The following PKHD1 variants were observed in gnomAD, a reference collection of about 807,000 sequenced individuals.
PKHD1 encodes the protein PKHD1 ciliary IPT domain containing fibrocystin/polyductin.
In PKHD1, 291 loss-of-function variants were observed where a neutral mutation model predicts 412.0. The ratio of observed to expected loss-of-function variants is 0.71; its 90% CI spans 0.64 to 0.78. The LOEUF (loss-of-function observed/expected upper bound fraction) is 0.78. Among genes scored for constraint, PKHD1 ranks in the 30% least tolerant of loss-of-function variants. The pLI, the probability that PKHD1 is intolerant of heterozygous loss-of-function variation, is 0.00. For missense variants in PKHD1, 4,825 were observed against 4,950.7 expected, an observed-to-expected ratio of 0.97 and a Z score of 0.76; for synonymous variants, 1,777 against 1,821.5, an observed-to-expected ratio of 0.98 and a Z score of 0.62.
rs1177405350 is a variant in PKHD1, at chr6:51,804,364, G to A, written c.8303-12991C>T. ...GTAGAGAAATACTAATTCATTGGGG[G>A]GGGGGGGGGCGGTAACAGGAGAAAT... On this transcript the variant is annotated intron_variant, in intron 52 of 66. Coordinates refer to ENST00000371117, the MANE Select transcript of PKHD1 (RefSeq NM_138694.4). 3.9e-5 allele frequency among the ~76,000 whole-genome samples: 4 copies of A among 103,124 alleles called. 1 individual carries two copies. The highest frequency in any genetic ancestry group is 9.6e-4 in the South Asian group (2 of 2,078). 67.7% of individuals were successfully genotyped at this position (103,124 alleles called of 152,430 possible). A position where few individuals can be genotyped will look rare whatever the true frequency, so the allele number is the denominator to read the frequency against.
intron 34 of PKHD1, among the ~76,000 whole-genome samples, chr6:52,015,534 C>A (rs1052400251): frequency 6.6e-6 from 1 of 152,148 alleles, no homozygotes; most frequent in Non-Finnish European, 1.5e-5. Context: ...AGAAAACATA[C>A]CCACTTTTGG....
chr6:52,028,041 T>C, intron 30 of PKHD1, 115 bp downstream of exon 30: 2 of 1,226,548 alleles, frequency 1.6e-6, no homozygotes, highest in Non-Finnish European at 2.4e-6. Flanking sequence ...GATGTTCATG[T>C]CTTTAACCTC....
chr6:52,057,025 G>T, intron 16 of PKHD1, 46 bp from the exon 17 acceptor site: 1 of 1,237,266 alleles, frequency 8.1e-7, no homozygotes, highest in Non-Finnish European at 1.2e-6. Flanking sequence ...TGCTAATTAA[G>T]CCAGAGAGAC....
chr6:51,898,835 T>C (rs1310728156), intron 43 of PKHD1, among the ~76,000 whole-genome samples: 1 of 150,972 alleles, frequency 6.6e-6, no homozygotes, highest in Non-Finnish European at 1.5e-5. Context: ...AAAGGGGATA[T>C]CACCACCGAT....
chr6:51,950,561 T>C (rs1197963885), intron 36 of PKHD1, among the ~76,000 whole-genome samples: 1 of 152,162 alleles, frequency 6.6e-6, no homozygotes, highest in African/African-American at 2.4e-5. Context: ...AAACACAGAC[T>C]ACTGGGCCTC....
chr6:51,971,043 T>C (rs917368361), intron 35 of PKHD1, among the ~76,000 whole-genome samples: 1 of 152,208 alleles, frequency 6.6e-6, no homozygotes, highest in Non-Finnish European at 1.5e-5. Context: ...TTTCAATCCG[T>C]GAGCATGAGA....
chr6:51,703,049 G>T (rs1334929178), intron 60 of PKHD1, among the ~76,000 whole-genome samples: 1 of 151,766 alleles, frequency 6.6e-6, no homozygotes. Context: ...GCACAATGAT[G>T]GCATGTAATG....
chr6:51,717,534 T>C (rs150956907), intron 60 of PKHD1, among the ~76,000 whole-genome samples: 1 of 152,330 alleles, frequency 6.6e-6, no homozygotes, highest in East Asian at 1.9e-4. Context: ...TGTGTTATAG[T>C]TGCCTACAGT....
intron 43 of PKHD1, among the ~76,000 whole-genome samples, chr6:51,887,467 T>G (rs2127558147): frequency 6.6e-6 from 1 of 152,332 alleles, no homozygotes; most frequent in East Asian, 1.9e-4. Context: ...GGTTGAATTG[T>G]AATCCCCAGT....
At chr6:51,665,525 T>G (rs532209037) in intron 60 of PKHD1, among the ~76,000 whole-genome samples, 1 of 152,240 alleles carries the variant, frequency 6.6e-6, no homozygotes, top group Admixed American at 6.5e-5. Context: ...AGCAAGAATT[T>G]TTACCTTAGA....
At chr6:51,671,729 G>T (rs183841714) in intron 60 of PKHD1, among the ~76,000 whole-genome samples, 1 of 152,124 alleles carries the variant, frequency 6.6e-6, no homozygotes, top group Non-Finnish European at 1.5e-5. Context: ...AGTTTTTGGT[G>T]TGGATGTCCT....
chr6:52,079,540 A>C (rs1437650908), intron 5 of PKHD1, among the ~76,000 whole-genome samples: 1 of 152,180 alleles, frequency 6.6e-6, no homozygotes, highest in Non-Finnish European at 1.5e-5. Context: ...GAGAATTTAG[A>C]ACCAGATGCA....
chr6:51,649,004 T>C, intron 62 of PKHD1, 81 bp downstream of exon 62: 4 of 1,331,588 alleles, frequency 3.0e-6, no homozygotes, highest in Non-Finnish European at 4.3e-6. Context: ...TGTGTATCAA[T>C]GATGACACAC....
chr6:51,694,334 C>A (rs910438590), intron 60 of PKHD1, among the ~76,000 whole-genome samples: 1 of 151,876 alleles, frequency 6.6e-6, no homozygotes, highest in African/African-American at 2.4e-5. Context: ...CACTTAAAAC[C>A]ACTACCACTC....
chr6:51,854,070 C>T (rs1316354046), intron 49 of PKHD1, among the ~76,000 whole-genome samples: 1 of 152,028 alleles, frequency 6.6e-6, no homozygotes, highest in Non-Finnish European at 1.5e-5. Context: ...TAGTTTTGGT[C>T]TTTGAGGCTG....
In PKHD1 at chr6:51,813,945, T is replaced by C. The variant is rs967260597; in HGVS notation, c.8302+16916A>G. On this transcript the variant is annotated intron_variant, in intron 52 of 66. Coordinates refer to ENST00000371117, the MANE Select transcript of PKHD1 (RefSeq NM_138694.4). ...CTTTGGTCCTGATTCTCCATTTCCT[T>C]TGGAGGGAAAAAAAAAGTCCACATT... 3.8e-4 allele frequency among the ~76,000 whole-genome samples: 58 copies of C among 152,084 alleles called. 1 individual carries two copies. The highest frequency in any genetic ancestry group is 5.4e-4 in the Non-Finnish European group (37 of 67,998).
rs963786922 is a variant in PKHD1 at position 51,617,630 on chromosome 6, T to C, written c.*1451A>G. The C allele has an allele frequency of 6.6e-6, 1 of 152,056 alleles. No individual in the cohort carries two copies. Among genetic ancestry groups the C allele is most frequent in the African/African-American group, 2.4e-5 (1 of 41,394 alleles). 9.4% of individuals were successfully genotyped at this position (152,056 alleles called of 1,614,324 possible). The stretch of plus-strand genomic sequence containing the variant: ...ACAGAGAAGGCTACCTACCTCCTTT[T>C]AGGGACAGCCTGAAGATCTGCAATA... On this transcript the variant is annotated 3_prime_UTR_variant, in exon 67 of 67. Transcript: ENST00000371117.
At chr6:51,791,532 T>A (rs1195516374) in intron 52 of PKHD1, among the ~76,000 whole-genome samples, 159 bp from the exon 53 acceptor site, 2 of 152,200 alleles carry the variant, frequency 1.3e-5, no homozygotes, top group African/African-American at 4.8e-5. Flanking sequence ...AAGCTAGGAC[T>A]TACTGAACAG....
intron 35 of PKHD1, among the ~76,000 whole-genome samples, chr6:51,991,651 T>C (rs1412631053): frequency 6.6e-6 from 1 of 152,188 alleles, no homozygotes; most frequent in Non-Finnish European, 1.5e-5. Flanking sequence ...AGGCTAATTG[T>C]GATGTATTTC....
Sources: gnomAD v4.1 joint callset for allele counts (sites outside exome capture counted in the v4.1 genomes callset) on GRCh38, gnomAD v4.1.1 for gene constraint, MANE v1.5 for transcripts, NCBI Gene and HGNC (gene_info 2026-07-23, HGNC 2026-07-21) for gene names.